Variants in UBAP1 observed in about 807,000 individuals in gnomAD.
UBAP1 encodes ubiquitin-associated protein 1.
Under a neutral mutation model 39.0 loss-of-function variants are expected in UBAP1, and 5 were observed. That is an observed-to-expected ratio of 0.13 (90% CI 0.07 to 0.27). The LOEUF (loss-of-function observed/expected upper bound fraction) is 0.27, where lower values mean the gene tolerates loss of function less well. UBAP1 is among the 10% of genes least tolerant of loss of function. The pLI, the probability that UBAP1 is intolerant of heterozygous loss-of-function variation, is 1.00. For missense variants in UBAP1, 490 were observed against 608.1 expected (o/e 0.81, Z 2.04); for synonymous variants, 211 against 225.1 (o/e 0.94, Z 0.56).
At position 34,252,130 on chromosome 9, in the gene UBAP1, G is replaced by A. The variant is rs936007260; in HGVS notation, c.*598G>A. 1.3e-5 allele frequency: 2 copies of A among 152,698 alleles called. No homozygotes were observed. Among genetic ancestry groups the A allele is most frequent in the African/African-American group, 2.4e-5 (1 of 41,414 alleles). 9.5% of individuals were successfully genotyped at this position (152,698 alleles called of 1,614,324 possible). ...GCCTTTTCTGCCAGGCAGTCACCATGCTTCCCTACCCCAGCCTGTTTCTTT... is the reference window on the plus strand; with the variant it reads ...GCCTTTTCTGCCAGGCAGTCACCATACTTCCCTACCCCAGCCTGTTTCTTT... On this transcript the variant is annotated 3_prime_UTR_variant, in exon 7 of 7. Transcript: ENST00000297661.
intron 1 of UBAP1, among the ~76,000 whole-genome samples, chr9:34,207,533 G>A (rs1428146064): frequency 2.0e-5 from 3 of 151,700 alleles, no homozygotes. Flanking sequence ...AATTGTCTAA[G>A]TTTTCTTTTG....
rs569901311 is a variant in UBAP1 at position 34,247,423 on chromosome 9, C to CTTAT, written c.1084-2340_1084-2337dup. Among the ~76,000 whole-genome samples the CTTAT allele has an allele frequency of 1.4e-3, 218 of 151,644 alleles. 4 individuals carry two copies. The East Asian group carries it at 0.031, about 22-fold the overall frequency. On this transcript the variant is annotated intron_variant, in intron 4 of 6. Transcript: ENST00000297661. ...ACAATTAATAAATATATCTTTTTTT[C>CTTAT]TTATTTATTTATTTATTTAGAGACG...
At chr9:34,240,114 A>G (rs1346031555) in intron 3 of UBAP1, among the ~76,000 whole-genome samples, 5 of 152,212 alleles carry the variant, frequency 3.3e-5, no homozygotes, top group Admixed American at 6.5e-5. Context: ...GGTTTTCTCC[A>G]CAGTTAGAAG....
At chr9:34,231,222 CTTTATTTA>C (rs557552973) in intron 2 of UBAP1, among the ~76,000 whole-genome samples, 1 of 148,418 alleles carries the variant, frequency 6.7e-6, no homozygotes, top group African/African-American at 2.5e-5. Flanking sequence ...AAAAGCATGT[CTTTATTTA>C]TTTATTTATT....
At position 34,234,289 on chromosome 9, in the gene UBAP1, A is replaced by C; in HGVS notation, c.108A>C (p.Leu36=). The C allele has an allele frequency of 6.2e-7, 1 of 1,613,184 alleles. No homozygotes were observed. The highest frequency in any genetic ancestry group is 1.3e-5 in the African/African-American group (1 of 75,034). The change falls in exon 3 of 7, where the codon CTA becomes CTC. Residue 36 remains leucine (L), a synonymous_variant. Transcript: ENST00000297661. ...TCAAAACACCAGCTAAAGTTGGTCT[A>C]CCTATTGGCTTCTCCTTGCCTGATT... The part of the protein sequence containing the change: ...DKFKTPAKVG[L]PIGFSLPDCL...
At chr9:34,231,173 G>A (rs1298557341) in intron 2 of UBAP1, among the ~76,000 whole-genome samples, 1 of 136,788 alleles carries the variant, frequency 7.3e-6, no homozygotes, top group East Asian at 2.5e-4. Flanking sequence ...GTGTGTGTGT[G>A]TGTTGGGGTC....
chr9:34,185,405 T>C (rs1290086266), intron 1 of UBAP1, among the ~76,000 whole-genome samples: 2 of 152,080 alleles, frequency 1.3e-5, no homozygotes, highest in Admixed American at 6.6e-5. Flanking sequence ...AAAAATTAGC[T>C]GGGATTGGTG....
chr9:34,234,460 G>A (rs1474736328), intron 3 of UBAP1, 120 bp downstream of exon 3: 2 of 1,147,302 alleles, frequency 1.7e-6, no homozygotes, highest in Non-Finnish European at 2.4e-6. Flanking sequence ...GGTCAACGAT[G>A]GACCACATAT....
At chr9:34,226,104 A>AG (rs1563911030) in intron 2 of UBAP1, among the ~76,000 whole-genome samples, 13 of 36,508 alleles carry the variant, frequency 3.6e-4, no homozygotes, top group African/African-American at 1.3e-3. Context: ...CTCCTACTCT[A>AG]TTGTGTGTGT....
intron 1 of UBAP1, among the ~76,000 whole-genome samples, chr9:34,194,583 G>T (rs898716125): frequency 6.6e-6 from 1 of 151,992 alleles, no homozygotes; most frequent in Non-Finnish European, 1.5e-5. Context: ...CAAAGTGCTG[G>T]GATTATAGGC....
intron 5 of UBAP1, 115 bp from the exon 6 acceptor site, chr9:34,250,543 A>ATC (rs1834430713): frequency 1.4e-6 from 1 of 703,574 alleles, no homozygotes; most frequent in Non-Finnish European, 2.4e-6. Flanking sequence ...CCTATCCAGT[A>ATC]TCTGACGGCC....
intron 6 of UBAP1, chr9:34,250,973 A>G: frequency 1.8e-6 from 1 of 564,712 alleles, no homozygotes; most frequent in South Asian, 1.9e-5. Context: ...TCAGAATCCC[A>G]GTGAAGGGAA....
chr9:34,205,880 T>C (rs577587286), intron 1 of UBAP1, among the ~76,000 whole-genome samples: 15 of 152,118 alleles, frequency 9.9e-5, no homozygotes, highest in Non-Finnish European at 2.1e-4. Context: ...TAGTCCCAGC[T>C]ACTCAGGAGG....
chr9:34,189,762 G>A (rs1830614714), intron 1 of UBAP1, among the ~76,000 whole-genome samples: 1 of 151,858 alleles, frequency 6.6e-6, no homozygotes, highest in Non-Finnish European at 1.5e-5. Context: ...TCAGTCTCCC[G>A]AGTAGCTGGG....
intron 1 of UBAP1, among the ~76,000 whole-genome samples, chr9:34,187,912 G>A (rs1016963921): frequency 6.6e-5 from 10 of 151,070 alleles, no homozygotes; most frequent in African/African-American, 1.7e-4. Flanking sequence ...TAAGGTATAT[G>A]TATAAATACA....
At chr9:34,193,165 C>T (rs1830828600) in intron 1 of UBAP1, among the ~76,000 whole-genome samples, 1 of 151,922 alleles carries the variant, frequency 6.6e-6, no homozygotes, top group African/African-American at 2.4e-5. Flanking sequence ...AAAAAATTAG[C>T]CAGGCGTGGT....
chr9:34,246,976 A>G (rs1243797683), intron 4 of UBAP1, among the ~76,000 whole-genome samples: 2 of 152,228 alleles, frequency 1.3e-5, no homozygotes, highest in East Asian at 3.8e-4. Flanking sequence ...GCCAGAGTCA[A>G]CCTTTGCCCC....
intron 1 of UBAP1, among the ~76,000 whole-genome samples, chr9:34,184,459 GTC>G (rs35120977): frequency 0.031 from 4,620 of 151,206 alleles, 227 homozygotes; most frequent in African/African-American, 0.11. Context: ...GTGAAACCCT[GTC>G]TCTACTAAAA....
chr9:34,182,106 G>T, intron 1 of UBAP1, among the ~76,000 whole-genome samples: 1 of 150,048 alleles, frequency 6.7e-6, no homozygotes, highest in South Asian at 2.1e-4. Context: ...TTTGACTGGT[G>T]AATGTCACAT....
Sources: gnomAD v4.1 joint callset for allele counts (sites outside exome capture counted in the v4.1 genomes callset) on GRCh38, gnomAD v4.1.1 for gene constraint, MANE v1.5 for transcripts, NCBI Gene and HGNC (gene_info 2026-07-23, HGNC 2026-07-21) for gene names.